Variants in RB1 observed in about 807,000 individuals in gnomAD.
RB1 encodes retinoblastoma-associated protein.
RB1 carries 18 observed loss-of-function variants against 135.4 expected under a neutral mutation model. That is an observed-to-expected ratio of 0.13 (90% CI 0.09 to 0.20). The LOEUF is 0.20. Among genes scored for constraint, RB1 ranks in the 10% least tolerant of loss-of-function variants. The pLI is 1.00. For missense variants in RB1, 868 were observed against 1,110.0 expected, an observed-to-expected ratio of 0.78 and a Z score of 3.10; for synonymous variants, 365 against 373.2, an observed-to-expected ratio of 0.98 and a Z score of 0.25.
intron 2 of RB1, among the ~76,000 whole-genome samples, chr13:48,337,900 G>T (rs1335716990): frequency 6.6e-6 from 1 of 152,170 alleles, no homozygotes; most frequent in Admixed American, 6.5e-5. Flanking sequence ...CTCAGCATTT[G>T]TTTGCCTGTG....
chr13:48,331,598 T>C (rs184484413), intron 2 of RB1, among the ~76,000 whole-genome samples: 42 of 152,258 alleles, frequency 2.8e-4, no homozygotes, highest in African/African-American at 8.9e-4. Context: ...AGATAACAGA[T>C]GTTAGAGAGG....
At chr13:48,314,619 G>A (rs1038057924) in intron 2 of RB1, among the ~76,000 whole-genome samples, 5 of 152,102 alleles carry the variant, frequency 3.3e-5, no homozygotes, top group Non-Finnish European at 7.3e-5. Context: ...GGCCAACATG[G>A]TGAAACCCTG....
chr13:48,359,935 G>A, intron 6 of RB1, 82 bp from the exon 7 acceptor site: 1 of 1,556,208 alleles, frequency 6.4e-7, no homozygotes, highest in Admixed American at 1.8e-5. Context: ...ATAAATTTAT[G>A]GATATACTCT....
intron 2 of RB1, among the ~76,000 whole-genome samples, chr13:48,332,123 A>G (rs1952342853): frequency 6.6e-6 from 1 of 152,244 alleles, no homozygotes; most frequent in East Asian, 1.9e-4. Context: ...TGTATTAGTC[A>G]GACACAGAAA....
In RB1 at chr13:48,319,350, G is replaced by A; in HGVS notation, c.264+11944G>A. On this transcript the variant is annotated intron_variant, in intron 2 of 26. Transcript: ENST00000267163. The surrounding 1 kb of genome is among the most constrained non-coding windows in gnomAD (Gnocchi z 5.0). ...CAGGTCCCCGTTGGCCTCCTTGCGTGTTTGCCGCAGCTAGTACACCTGGAT... is the reference window on the plus strand; with the variant it reads ...CAGGTCCCCGTTGGCCTCCTTGCGTATTTGCCGCAGCTAGTACACCTGGAT... 1 of 503,714 alleles carries A rather than the reference G, an allele frequency of 2.0e-6. No homozygotes were observed. The highest frequency in any genetic ancestry group is 3.6e-6 in the Non-Finnish European group (1 of 277,058). 31.2% of individuals were successfully genotyped at this position (503,714 alleles called of 1,614,324 possible). A position where few individuals can be genotyped will look rare whatever the true frequency, so the allele number is the denominator to read the frequency against.
intron 17 of RB1, among the ~76,000 whole-genome samples, chr13:48,448,780 G>A (rs1419637687): frequency 6.6e-6 from 1 of 152,184 alleles, no homozygotes; most frequent in African/African-American, 2.4e-5. Context: ...GAATGTTCAA[G>A]TGGCTACTTG....
intron 17 of RB1, among the ~76,000 whole-genome samples, chr13:48,394,597 G>A (rs1343927705): frequency 1.3e-5 from 2 of 152,174 alleles, no homozygotes; most frequent in Non-Finnish European, 2.9e-5. Context: ...TGAGGCTTGA[G>A]TTTTCCCCTC....
At chr13:48,360,482 G>GCCTC (rs1952629641) in intron 7 of RB1, 1 of 186,218 alleles carries the variant, frequency 5.4e-6, no homozygotes, top group Non-Finnish European at 1.1e-5. Context: ...AAGTGTTGGG[G>GCCTC]GAGGGCATTC....
intron 1 of RB1, among the ~76,000 whole-genome samples, chr13:48,304,421 G>A (rs1254847924): frequency 6.6e-6 from 1 of 152,176 alleles, no homozygotes; most frequent in Non-Finnish European, 1.5e-5. Context: ...TTTTTCACCG[G>A]AGAATTGGAG....
At chr13:48,382,868 T>C (rs1948546620) in intron 17 of RB1, among the ~76,000 whole-genome samples, 3 of 152,080 alleles carry the variant, frequency 2.0e-5, no homozygotes, top group Admixed American at 1.3e-4. Flanking sequence ...AATTAATTTT[T>C]GTACAAGGTG....
At position 48,462,784 on chromosome 13, in the gene RB1, G is replaced by T. The variant is rs553658071; in HGVS notation, c.2107-947G>T. Among the ~76,000 whole-genome samples, 3 of 152,234 alleles carry T rather than the reference G, an allele frequency of 2.0e-5. No individual in the cohort carries two copies. In the South Asian group the frequency reaches 6.2e-4, roughly 32 times the overall value. On this transcript the variant is annotated intron_variant, in intron 20 of 26. Coordinates refer to ENST00000267163, the MANE Select transcript of RB1 (RefSeq NM_000321.3). ...ATTTTTTAATATAGTTGAGGTAGGGGTCCAGCTTCATTCTTTTGTTTGTGG... is the reference window on the plus strand; with the variant it reads ...ATTTTTTAATATAGTTGAGGTAGGGTTCCAGCTTCATTCTTTTGTTTGTGG...
intron 17 of RB1, among the ~76,000 whole-genome samples, chr13:48,388,980 C>T (rs1364136609): frequency 6.6e-6 from 1 of 151,622 alleles, no homozygotes; most frequent in Admixed American, 6.6e-5. Flanking sequence ...ACCAACATGA[C>T]AAAACCCTGT....
intron 5 of RB1, 97 bp from the exon 6 acceptor site, chr13:48,348,859 A>T: frequency 2.2e-6 from 3 of 1,393,146 alleles, no homozygotes; most frequent in Admixed American, 2.4e-5. Flanking sequence ...TTTTTTTTTT[A>T]ATGCACAAAA....
intron 17 of RB1, chr13:48,401,358 A>G (rs1948690190): frequency 6.6e-6 from 1 of 152,180 alleles, no homozygotes; most frequent in South Asian, 2.1e-4. Flanking sequence ...GCAAGAAACA[A>G]AGAAGAGAAA....
intron 17 of RB1, among the ~76,000 whole-genome samples, chr13:48,431,794 G>A (rs1949132328): frequency 6.6e-6 from 1 of 152,082 alleles, no homozygotes; most frequent in Non-Finnish European, 1.5e-5. Flanking sequence ...AAAGATTGCT[G>A]GATTTTTGCC....
chr13:48,351,972 C>T (rs1952552834), intron 6 of RB1, among the ~76,000 whole-genome samples: 1 of 151,974 alleles, frequency 6.6e-6, no homozygotes, highest in African/African-American at 2.4e-5. Context: ...CCACACCTGG[C>T]CTGGCCATCT....
intron 13 of RB1, among the ~76,000 whole-genome samples, chr13:48,378,723 G>A (rs1381987538): frequency 2.0e-5 from 3 of 151,702 alleles, no homozygotes; most frequent in Non-Finnish European, 2.9e-5. Flanking sequence ...TATATGACTG[G>A]CAGTGCAATA....
At chr13:48,335,260 A>G (rs1363724900) in intron 2 of RB1, among the ~76,000 whole-genome samples, 2 of 152,120 alleles carry the variant, frequency 1.3e-5, no homozygotes, top group African/African-American at 2.4e-5. Context: ...ATATAGCTCT[A>G]TCACAATATG....
intron 1 of RB1, among the ~76,000 whole-genome samples, chr13:48,304,266 G>T (rs925120150): frequency 6.6e-6 from 1 of 152,138 alleles, no homozygotes; most frequent in Non-Finnish European, 1.5e-5. Flanking sequence ...AACTTGACAG[G>T]TGTCGGGCGG....
Sources: allele counts gnomAD v4.1 joint callset (sites outside exome capture counted in the v4.1 genomes callset), GRCh38; gene constraint gnomAD v4.1.1; non-coding constraint Gnocchi (gnomAD v3.1); transcripts MANE v1.5; gene names NCBI Gene and HGNC (gene_info 2026-07-23, HGNC 2026-07-21).